The following ANAPC5 variants were observed in gnomAD, a reference collection of about 807,000 sequenced individuals.
The protein encoded by ANAPC5 is anaphase promoting complex subunit 5.
Under a neutral mutation model 91.3 loss-of-function variants are expected in ANAPC5, and 60 were observed. That is an observed-to-expected ratio of 0.66 (90% CI 0.53 to 0.81). The LOEUF is 0.81. Ranked by LOEUF, ANAPC5 falls within the 40% of genes least tolerant of loss-of-function variation. The probability of loss-of-function intolerance (pLI) is 0.00; values close to 1 mark genes in which losing one functional copy is unlikely to be tolerated. For synonymous variants in ANAPC5, 340 were observed against 364.1 expected, an observed-to-expected ratio of 0.93 and a Z score of 0.75; for missense variants, 690 against 931.5, an observed-to-expected ratio of 0.74 and a Z score of 3.37.
intron 5 of ANAPC5, among the ~76,000 whole-genome samples, chr12:121,341,272 C>G (rs551591680): frequency 2.1e-4 from 32 of 152,296 alleles, no homozygotes; most frequent in African/African-American, 7.7e-4. Context: ...GAGTTCAAGA[C>G]CAGCCTGGCC....
chr12:121,316,410 A>G (rs1471081022), intron 15 of ANAPC5, among the ~76,000 whole-genome samples: 1 of 152,196 alleles, frequency 6.6e-6, no homozygotes, highest in East Asian at 1.9e-4. Context: ...ATCATGACTC[A>G]GCAATTCCGT....
chr12:121,331,336 G>C lies in ANAPC5; in HGVS notation c.1032+11C>G, dbSNP rs376997360. 3 of 1,582,510 alleles carry C rather than the reference G, an allele frequency of 1.9e-6. No individual in the cohort carries two copies. Among genetic ancestry groups the C allele is most frequent in the African/African-American group, 2.7e-5 (2 of 74,564 alleles). On this transcript the variant is annotated intron_variant, in intron 8 of 16. Transcript: ENST00000261819. ...GTGAACAAAACTCCCAAGACCAGAG[G>C]ATGGCCTCACCAAACAGTGCTGGAG...
At chr12:121,322,035 T>C (rs1222874562) in intron 11 of ANAPC5, among the ~76,000 whole-genome samples, 2 of 151,554 alleles carry the variant, frequency 1.3e-5, no homozygotes, top group African/African-American at 2.4e-5. Context: ...CCAGCTAATA[T>C]TTGTATTTTT....
At chr12:121,337,254 C>G in intron 6 of ANAPC5, 37 bp downstream of exon 6, 2 of 1,561,058 alleles carry the variant, frequency 1.3e-6, no homozygotes, top group Non-Finnish European at 1.8e-6. Context: ...CTTGTCATTC[C>G]TTTCCAACAC....
At chr12:121,350,493 A>G (rs1248613445) in intron 1 of ANAPC5, among the ~76,000 whole-genome samples, 6 of 152,074 alleles carry the variant, frequency 3.9e-5, no homozygotes, top group Admixed American at 6.6e-5. Flanking sequence ...CATCCCGGCT[A>G]ACACGGTGAA....
chr12:121,323,038 A>G (rs1025733448), intron 11 of ANAPC5, among the ~76,000 whole-genome samples: 1 of 152,048 alleles, frequency 6.6e-6, no homozygotes, highest in African/African-American at 2.4e-5. Flanking sequence ...AACAAAAACA[A>G]ACAAACAAAC....
intron 4 of ANAPC5, among the ~76,000 whole-genome samples, chr12:121,344,571 G>C (rs1275917395): frequency 1.4e-5 from 2 of 144,332 alleles, no homozygotes; most frequent in African/African-American, 5.2e-5. Context: ...GTGACAGTGA[G>C]ACTTGATCTC....
intron 1 of ANAPC5, among the ~76,000 whole-genome samples, chr12:121,348,218 T>C (rs1012807596): frequency 6.6e-6 from 1 of 152,352 alleles, no homozygotes; most frequent in East Asian, 1.9e-4. Context: ...AATATCTCCC[T>C]TGTTTTTGGC....
At chr12:121,317,811 AG>A in intron 15 of ANAPC5, 1 of 152,672 alleles carries the variant, frequency 6.5e-6, no homozygotes, top group Middle Eastern at 3.4e-3. Context: ...TTCTATGTGT[AG>A]GGCCTATAAG....
intron 11 of ANAPC5, among the ~76,000 whole-genome samples, chr12:121,322,107 G>A (rs1163330570): frequency 6.7e-6 from 1 of 149,678 alleles, no homozygotes; most frequent in Non-Finnish European, 1.5e-5. Context: ...CTCGTGATCC[G>A]CCTGCCTCGG....
At chr12:121,340,148 C>T (rs1903389866) in intron 5 of ANAPC5, among the ~76,000 whole-genome samples, 1 of 151,616 alleles carries the variant, frequency 6.6e-6, no homozygotes, top group South Asian at 2.1e-4. Context: ...AAAATCCCGT[C>T]TCTACTAAAA....
intron 15 of ANAPC5, chr12:121,310,099 C>A (rs1307673546): frequency 1.8e-5 from 6 of 328,546 alleles, no homozygotes; most frequent in Admixed American, 4.7e-5. Flanking sequence ...AGGTTCTTGT[C>A]TTTACAAAAA....
At chr12:121,312,510 T>A (rs926892010) in intron 15 of ANAPC5, among the ~76,000 whole-genome samples, 8 of 150,320 alleles carry the variant, frequency 5.3e-5, no homozygotes, top group Non-Finnish European at 1.0e-4. Flanking sequence ...ATCGAGACCA[T>A]CCTAACACGA....
intron 15 of ANAPC5, among the ~76,000 whole-genome samples, chr12:121,312,055 T>C (rs551871564): frequency 7.9e-5 from 12 of 152,304 alleles, no homozygotes; most frequent in South Asian, 6.2e-4. Flanking sequence ...CTTTCCAGGA[T>C]AGACTGTGTT....
rs149854864 is a variant in ANAPC5, at chr12:121,335,227, G to A, written c.950+306C>T. 3.3e-4 allele frequency: 61 copies of A among 186,128 alleles called. No individual in the cohort carries two copies. The East Asian group carries it at 6.8e-3, about 21-fold the overall frequency. The allele number at this position is 186,128 out of a possible 1,614,324, so 11.5% of individuals were successfully genotyped here. On this transcript the variant is annotated intron_variant, in intron 7 of 16. Coordinates refer to ENST00000261819, the MANE Select transcript of ANAPC5 (RefSeq NM_016237.5). ...GTTGCCCAGGCTGGAGTGCAATGGC[G>A]TGCTCTCGGCTCACTGCAACCTCCA...
chr12:121,308,584 G>A lies in ANAPC5; in HGVS notation c.2164C>T (p.His722Tyr), dbSNP rs747383939. Residue 722 changes from histidine (H) to tyrosine (Y), a missense_variant, in exon 17 of 17, where the codon CAT becomes TAT. Physicochemically the swap from His to Tyr is moderately conservative, Grantham distance 83. Around this residue, in one of 5 missense-constraint regions of ANAPC5, gnomAD observed 317 missense variants for 438.7 expected, o/e 0.72. Coordinates refer to ENST00000261819, the MANE Select transcript of ANAPC5 (RefSeq NM_016237.5). Reference sequence around the variant, plus strand: ...CTCTCCTGGGTCTTCCCCAGGGTATGGTAGAGTCTGGCCTGGAAGTAAACG... The same window carrying A: ...CTCTCCTGGGTCTTCCCCAGGGTATAGTAGAGTCTGGCCTGGAAGTAAACG... ...DVVYFQARLYHTLGKTQERNR... is the reference protein window; with the variant it reads ...DVVYFQARLYYTLGKTQERNR... 7 of 1,614,002 alleles carry A rather than the reference G, an allele frequency of 4.3e-6. No homozygotes were observed. Among genetic ancestry groups the A allele is most frequent in the Non-Finnish European group, 5.9e-6 (7 of 1,180,042 alleles).
chr12:121,344,761 A>G (rs1473319756), intron 4 of ANAPC5, among the ~76,000 whole-genome samples: 1 of 152,160 alleles, frequency 6.6e-6, no homozygotes, highest in Non-Finnish European at 1.5e-5. Flanking sequence ...GGAGTAGTCA[A>G]GAAACTGAAG....
At chr12:121,339,865 C>T (rs1202462576) in intron 5 of ANAPC5, among the ~76,000 whole-genome samples, 11 of 145,722 alleles carry the variant, frequency 7.5e-5, no homozygotes, top group African/African-American at 2.1e-4. Flanking sequence ...ATGTTTTCTT[C>T]CAGTTTTTTT....
intron 3 of ANAPC5, 38 bp downstream of exon 3, chr12:121,346,858 T>C: frequency 7.4e-7 from 1 of 1,356,960 alleles, no homozygotes; most frequent in Non-Finnish European, 1.0e-6. Flanking sequence ...CTCACTTCAA[T>C]GAAAATACTC....
Sources: allele counts gnomAD v4.1 joint callset (sites outside exome capture counted in the v4.1 genomes callset), GRCh38; gene constraint gnomAD v4.1.1; regional missense constraint gnomAD v4.1.1; transcripts MANE v1.5; gene names NCBI Gene and HGNC (gene_info 2026-07-23, HGNC 2026-07-21).